NOXA1: variants seen among roughly 807,000 people sequenced by gnomAD.
NOXA1 encodes NCF2-like protein.
In NOXA1, 56 loss-of-function variants were observed where a neutral mutation model predicts 64.8. That is an observed-to-expected ratio of 0.86 (90% CI 0.70 to 1.08). The LOEUF (loss-of-function observed/expected upper bound fraction) is 1.08. Ranked by LOEUF, NOXA1 falls within the 50% of genes least tolerant of loss-of-function variation. The pLI is 0.00. For missense variants in NOXA1, 668 were observed against 658.5 expected (o/e 1.01, Z -0.16); for synonymous variants, 295 against 294.8 (o/e 1.00, Z -0.01).
At chr9:137,425,633 A>C (rs1007367559) in intron 1 of NOXA1, among the ~76,000 whole-genome samples, 4 of 152,144 alleles carry the variant, frequency 2.6e-5, no homozygotes, top group Non-Finnish European at 5.9e-5. Flanking sequence ...TGATCCGCCC[A>C]CCTCAGCTTC....
intron 1 of NOXA1, among the ~76,000 whole-genome samples, chr9:137,424,832 C>G (rs1838776705): frequency 6.6e-6 from 1 of 152,174 alleles, no homozygotes; most frequent in African/African-American, 2.4e-5. Context: ...CGGGGCTAAC[C>G]CAGTCACTTG....
intron 5 of NOXA1, among the ~76,000 whole-genome samples, chr9:137,430,158 G>T (rs1275521616): frequency 6.6e-6 from 1 of 151,974 alleles, no homozygotes; most frequent in Non-Finnish European, 1.5e-5. Flanking sequence ...GGGTCCCTGT[G>T]TCCCTGCCAC....
At chr9:137,432,032 G>A (rs925601177) in intron 8 of NOXA1, among the ~76,000 whole-genome samples, 1 of 152,174 alleles carries the variant, frequency 6.6e-6, no homozygotes, top group African/African-American at 2.4e-5. Context: ...TTCCCTCAGG[G>A]TTTGGAACTA....
chr9:137,423,622 G>C lies in NOXA1; in HGVS notation c.93G>C (p.Ser31=), dbSNP rs780513724. The C allele has an allele frequency of 1.3e-5, 19 of 1,455,388 alleles. No individual in the cohort carries two copies. The highest frequency in any genetic ancestry group is 1.3e-5 in the South Asian group (1 of 75,764). The allele number at this position is 1,455,388 out of a possible 1,614,324, so 90.2% of individuals were successfully genotyped here. A position where few individuals can be genotyped will look rare whatever the true frequency, so the allele number is the denominator to read the frequency against. ...GDWARALHLF[S]GVPAPPARLC... Reference sequence around the variant, plus strand: ...GGGCCCGCGCCTTGCACCTCTTCTCGGGCGTCCCGGCGCCGCCCGCCAGGC... The same window carrying C: ...GGGCCCGCGCCTTGCACCTCTTCTCCGGCGTCCCGGCGCCGCCCGCCAGGC... Residue 31 remains serine, a synonymous_variant, in exon 1 of 14, where the codon TCG becomes TCC. Transcript: ENST00000683555.
intron 1 of NOXA1, among the ~76,000 whole-genome samples, chr9:137,425,539 C>G (rs1268504870): frequency 6.6e-6 from 1 of 152,200 alleles, no homozygotes; most frequent in African/African-American, 2.4e-5. Context: ...GCGCGTGCCG[C>G]CATGCCCAGC....
chr9:137,427,157 T>C (rs948131204), intron 2 of NOXA1, among the ~76,000 whole-genome samples: 2 of 152,190 alleles, frequency 1.3e-5, no homozygotes, highest in South Asian at 2.1e-4. Flanking sequence ...AACCCTTCAT[T>C]GGCCGATAAA....
Position 137,430,827 on chromosome 9 carries a change from G to A in NOXA1, c.656G>A (p.Arg219His), listed in dbSNP as rs557059030. 27 of 1,587,368 alleles carry A rather than the reference G, an allele frequency of 1.7e-5. No individual in the cohort carries two copies. The highest frequency in any genetic ancestry group is 1.7e-4 in the Middle Eastern group (1 of 5,996). ...AIPDDQGWGV[R>H]PQQPQGPGAN... ...CCCGACGACCAGGGCTGGGGCGTCC[G>A]CCCTCAGCAGCCACAGGTGGGTTTG... Residue 219 changes from arginine (R) to histidine (H), a missense_variant, in exon 6 of 14, where the codon CGC becomes CAC. By Grantham distance (29) the Arg-to-His change is conservative. Coordinates refer to ENST00000683555, the MANE Select transcript of NOXA1 (RefSeq NM_001256067.2).
chr9:137,428,160 C>T lies in NOXA1; in HGVS notation c.369+19C>T, dbSNP rs759661982. 5 of 1,526,452 alleles carry T rather than the reference C, an allele frequency of 3.3e-6. No individual in the cohort carries two copies. The highest frequency in any genetic ancestry group is 3.6e-6 in the Non-Finnish European group (4 of 1,125,538). The allele number at this position is 1,526,452 out of a possible 1,614,324, so 94.6% of individuals were successfully genotyped here. ...CTGGGAGGTGAGGCCGGGCAGGGCT[C>T]ACTGTGCTGCTGGCTGTGGGGTGTC... On this transcript the variant is annotated intron_variant, in intron 3 of 13. Transcript: ENST00000683555.
intron 8 of NOXA1, among the ~76,000 whole-genome samples, chr9:137,432,422 T>C (rs1839148169): frequency 6.6e-6 from 1 of 151,224 alleles, no homozygotes; most frequent in Non-Finnish European, 1.5e-5. Context: ...TACTAAAAAA[T>C]ACAAAAAATT....
chr9:137,429,534 G>A lies in NOXA1; in HGVS notation c.612+151G>A, dbSNP rs140451112. 4,414 of 612,960 alleles carry A rather than the reference G, an allele frequency of 7.2e-3. 29 individuals carry two copies. The highest frequency in any genetic ancestry group is 8.7e-3 in the Non-Finnish European group (3,110 of 355,918). 38.0% of individuals were successfully genotyped at this position (612,960 alleles called of 1,614,324 possible). ...CAGCCATCCTCAAACTGGCGCCCAC[G>A]GTAGGGGGGCGGTGCCCCAAATGGG... On this transcript the variant is annotated intron_variant, in intron 5 of 13. Coordinates refer to ENST00000683555, the MANE Select transcript of NOXA1 (RefSeq NM_001256067.2).
intron 2 of NOXA1, among the ~76,000 whole-genome samples, chr9:137,427,004 C>T (rs1399113144): frequency 2.6e-5 from 4 of 152,098 alleles, no homozygotes; most frequent in Non-Finnish European, 5.9e-5. Flanking sequence ...ACCATGTTGG[C>T]CAGGCTGGTC....
At chr9:137,432,441 A>G (rs6606581) in intron 8 of NOXA1, among the ~76,000 whole-genome samples, 133,802 of 152,166 alleles carry the variant, frequency 0.88, 58,925 homozygotes, top group East Asian at 0.98. Context: ...TTAGCTGGGC[A>G]TGGCGGCGGG....
chr9:137,428,562 A>G (rs1192323898), intron 3 of NOXA1, among the ~76,000 whole-genome samples: 2 of 151,916 alleles, frequency 1.3e-5, no homozygotes, highest in East Asian at 3.9e-4. Flanking sequence ...TTTTAGGACA[A>G]AAAGATGGAA....
intron 11 of NOXA1, 29 bp from the exon 12 acceptor site, chr9:137,433,721 G>A: frequency 6.8e-7 from 1 of 1,472,274 alleles, no homozygotes. Flanking sequence ...CCCCACCCAG[G>A]AGGCCCCCTC....
chr9:137,426,746 C>CA (rs1219176158), intron 2 of NOXA1, among the ~76,000 whole-genome samples: 1 of 152,150 alleles, frequency 6.6e-6, no homozygotes, highest in African/African-American at 2.4e-5. Context: ...TCTAAAATCC[C>CA]AAAAAATATA....
Position 137,433,435 on chromosome 9 carries a change from C to G in NOXA1, c.910-18C>G, listed in dbSNP as rs372799801. ...CTGGGCCTCAGCGACCACCCCTCCC[C>G]CTCCTGCCTGGACCCAGGGAGCAGG... On this transcript the variant is annotated intron_variant, in intron 10 of 13. Coordinates refer to ENST00000683555, the MANE Select transcript of NOXA1 (RefSeq NM_001256067.2). 3.8e-6 allele frequency: 6 copies of G among 1,587,532 alleles called. No individual in the cohort carries two copies. In the African/African-American group the frequency reaches 4.0e-5, roughly 11 times the overall value.
rs1238327971 is a variant in NOXA1 at position 137,431,445 on chromosome 9, C to T, written c.804+104C>T. ...CAACATGAGGGTGGAGGGAGCAGCTCGCTGGGGGGTAGACGGGGCCGGGCT... is the reference window on the plus strand; with the variant it reads ...CAACATGAGGGTGGAGGGAGCAGCTTGCTGGGGGGTAGACGGGGCCGGGCT... On this transcript the variant is annotated intron_variant, in intron 8 of 13. Coordinates refer to ENST00000683555, the MANE Select transcript of NOXA1 (RefSeq NM_001256067.2). The surrounding 1 kb of genome is among the most constrained non-coding windows in gnomAD (Gnocchi z 5.6). The T allele has an allele frequency of 2.0e-6, 2 of 987,258 alleles. No individual in the cohort carries two copies. Among genetic ancestry groups the T allele is most frequent in the South Asian group, 2.8e-5 (2 of 70,748 alleles). The allele number at this position is 987,258 out of a possible 1,614,324, so 61.2% of individuals were successfully genotyped here.
rs1394641532 is a variant in NOXA1 at position 137,425,560 on chromosome 9, AT to A, written c.178-683del. Among the ~76,000 whole-genome samples the A allele has an allele frequency of 2.0e-5, 3 of 151,956 alleles. No individual in the cohort carries two copies. The East Asian group carries it at 5.8e-4, about 29-fold the overall frequency. On this transcript the variant is annotated intron_variant, in intron 1 of 13. Coordinates refer to ENST00000683555, the MANE Select transcript of NOXA1 (RefSeq NM_001256067.2). ...GCCGCCATGCCCAGCTAATTTTTGT[AT>A]TTTTAGTAGAGATGGGGTTTCACCA... is the stretch of plus-strand genomic sequence containing the variant.
Position 137,433,510 on chromosome 9 carries a change from A to G in NOXA1, c.967A>G (p.Thr323Ala), listed in dbSNP as rs757354813. The change falls in exon 11 of 14, where the codon ACA becomes GCA. Residue 323 changes from threonine to alanine, a missense_variant. Physicochemically the swap from Thr to Ala is moderately conservative, Grantham distance 58. Coordinates refer to ENST00000683555, the MANE Select transcript of NOXA1 (RefSeq NM_001256067.2). ...LVTVTVQCAF[T>A]VALRARRGAD... ...GACTGTCACCGTGCAGTGCGCCTTC[A>G]CAGTGGCCCTGAGGGCACGAAGAGG... 1 of 1,602,702 alleles carries G rather than the reference A, an allele frequency of 6.2e-7. No homozygotes were observed. Among genetic ancestry groups the G allele is most frequent in the South Asian group, 1.1e-5 (1 of 89,590 alleles).
Sources: allele counts gnomAD v4.1 joint callset (sites outside exome capture counted in the v4.1 genomes callset), GRCh38; gene constraint gnomAD v4.1.1; non-coding constraint Gnocchi (gnomAD v3.1); transcripts MANE v1.5; gene names NCBI Gene and HGNC (gene_info 2026-07-23, HGNC 2026-07-21).